Variants in MGAT4C observed in about 807,000 individuals in gnomAD.
MGAT4C encodes the protein MGAT4 family member C, also known as alpha-1,3-mannosyl-glycoprotein 4-beta-N-acetylglucosaminyltransferase C.
Under a neutral mutation model 40.1 loss-of-function variants are expected in MGAT4C, and 19 were observed. That is an observed-to-expected ratio of 0.47 (90% confidence interval 0.33 to 0.70). MGAT4C has a LOEUF of 0.70. Ranked by LOEUF, MGAT4C falls within the 30% of genes least tolerant of loss-of-function variation. MGAT4C has a pLI of 0.02. For missense variants in MGAT4C, 491 were observed against 563.2 expected, an observed-to-expected ratio of 0.87 and a Z score of 1.30; for synonymous variants, 181 against 187.1, an observed-to-expected ratio of 0.97 and a Z score of 0.27.
At chr12:86,771,633 A>G (rs936326301) in intron 1 of MGAT4C, among the ~76,000 whole-genome samples, 4 of 151,892 alleles carry the variant, frequency 2.6e-5, no homozygotes, top group African/African-American at 9.7e-5. Flanking sequence ...GATTACTTGA[A>G]GCCAGGAGTT....
chr12:85,971,966 T>C lies in MGAT4C; in HGVS notation c.*7323A>G, dbSNP rs1883640587. 1 of 151,222 alleles carries C rather than the reference T, an allele frequency of 6.6e-6. No homozygotes were observed. The highest frequency in any genetic ancestry group is 1.5e-5 in the Non-Finnish European group (1 of 67,330). 9.4% of individuals were successfully genotyped at this position (151,222 alleles called of 1,614,324 possible). ...GAATGTGTCTTTTCTACTTTGACTATATTTACCATTGACTACAGTAACTCA... is the reference window on the plus strand; with the variant it reads ...GAATGTGTCTTTTCTACTTTGACTACATTTACCATTGACTACAGTAACTCA... On this transcript the variant is annotated 3_prime_UTR_variant, in exon 5 of 5. Transcript: ENST00000611864.
intron 1 of MGAT4C, among the ~76,000 whole-genome samples, chr12:86,243,785 C>T (rs1177040490): frequency 6.6e-6 from 1 of 152,194 alleles, no homozygotes; most frequent in Admixed American, 6.5e-5. Context: ...ACCTCTATTG[C>T]AGCCTCCAGA....
intron 2 of MGAT4C, among the ~76,000 whole-genome samples, chr12:86,606,305 TA>T (rs908455497): frequency 2.6e-5 from 4 of 152,192 alleles, no homozygotes; most frequent in Non-Finnish European, 5.9e-5. Flanking sequence ...TAAGGTTATG[TA>T]ACCTATTTCA....
At chr12:86,281,456 ATATG>A (rs1198459847) in intron 4 of MGAT4C, among the ~76,000 whole-genome samples, 1 of 151,686 alleles carries the variant, frequency 6.6e-6, no homozygotes, top group African/African-American at 2.4e-5. Context: ...GTATCTCTGT[ATATG>A]TATCTTCAAA....
intron 1 of MGAT4C, among the ~76,000 whole-genome samples, chr12:86,208,389 C>T (rs1187298532): frequency 6.6e-6 from 1 of 152,174 alleles, no homozygotes; most frequent in East Asian, 1.9e-4. Flanking sequence ...ATCGCTTGAA[C>T]CCACATGATG....
chr12:86,539,037 T>C (rs1043443436), intron 2 of MGAT4C, among the ~76,000 whole-genome samples: 2 of 152,194 alleles, frequency 1.3e-5, no homozygotes, highest in East Asian at 1.9e-4. Context: ...TTTTAATTAT[T>C]ATTATACTTT....
chr12:86,087,782 C>T (rs1872145179), intron 1 of MGAT4C, among the ~76,000 whole-genome samples: 1 of 151,780 alleles, frequency 6.6e-6, no homozygotes, highest in South Asian at 2.1e-4. Context: ...TGCTTGTGGA[C>T]AGGAAGAATC....
intron 2 of MGAT4C, among the ~76,000 whole-genome samples, chr12:86,552,045 A>G (rs1959392853): frequency 6.7e-6 from 1 of 150,126 alleles, no homozygotes; most frequent in Non-Finnish European, 1.5e-5. Context: ...AAAAAAAACC[A>G]AAAAACAGAC....
rs1883561622 is a variant in MGAT4C, at chr12:85,970,372, G to A, written c.*8917C>T. 1 of 151,214 alleles carries A rather than the reference G, an allele frequency of 6.6e-6. No homozygotes were observed. The highest frequency in any genetic ancestry group is 1.9e-4 in the East Asian group (1 of 5,176). 9.4% of individuals were successfully genotyped at this position (151,214 alleles called of 1,614,324 possible). A position where few individuals can be genotyped will look rare whatever the true frequency, so the allele number is the denominator to read the frequency against. ...ATCTGGTAAAAATGGACAAAATTTA[G>A]TTTTATCTTGTGGTCTGGAAATACA... is the stretch of plus-strand genomic sequence containing the variant. On this transcript the variant is annotated 3_prime_UTR_variant, in exon 5 of 5. Transcript: ENST00000611864.
At chr12:86,488,847 T>C (rs1958074745) in intron 2 of MGAT4C, among the ~76,000 whole-genome samples, 1 of 152,058 alleles carries the variant, frequency 6.6e-6, no homozygotes, top group South Asian at 2.1e-4. Context: ...AATTTCTATT[T>C]CAACAGCAAA....
At chr12:86,601,981 C>T (rs1316245504) in intron 2 of MGAT4C, among the ~76,000 whole-genome samples, 4 of 152,174 alleles carry the variant, frequency 2.6e-5, no homozygotes, top group East Asian at 1.9e-4. Context: ...ACCGCGTTCC[C>T]GTTGTCCAGA....
chr12:86,612,426 C>A (rs1306575159), intron 2 of MGAT4C, among the ~76,000 whole-genome samples: 2 of 151,964 alleles, frequency 1.3e-5, no homozygotes, highest in Non-Finnish European at 2.9e-5. Flanking sequence ...AGGGTTTACT[C>A]ATCTTTTAAA....
At chr12:86,511,368 G>C (rs187503130) in intron 2 of MGAT4C, among the ~76,000 whole-genome samples, 2 of 152,166 alleles carry the variant, frequency 1.3e-5, no homozygotes, top group African/African-American at 4.8e-5. Context: ...ACCGTTTTCA[G>C]TGCATAAGTC....
At position 86,408,479 on chromosome 12, in the gene MGAT4C, C is replaced by CTCTCTCTATA. The variant is rs1267344319; in HGVS notation, c.-120+26677_-120+26678insTATAGAGAGA. Among the ~76,000 whole-genome samples the CTCTCTCTATA allele has an allele frequency of 1.1e-3, 68 of 63,338 alleles. 1 individual carries two copies. The highest frequency in any genetic ancestry group is 2.2e-3 in the East Asian group (4 of 1,780). The allele number at this position is 63,338 out of a possible 152,430, so 41.6% of individuals were successfully genotyped here. On this transcript the variant is annotated intron_variant, in intron 3 of 7. Transcript: ENST00000548651. Reference sequence around the variant, plus strand: ...TCTCTCTCTCTCTCTCTCTCTCTCTCTATATATATATATATATATATATAT... The same window carrying CTCTCTCTATA: ...TCTCTCTCTCTCTCTCTCTCTCTCTCTCTCTCTATATATATATATATATATATATATATAT...
intron 2 of MGAT4C, among the ~76,000 whole-genome samples, chr12:86,475,851 T>C (rs535033760): frequency 2.0e-5 from 3 of 152,212 alleles, no homozygotes; most frequent in South Asian, 2.1e-4. Flanking sequence ...TTAATTATCA[T>C]CATTATAATT....
intron 2 of MGAT4C, among the ~76,000 whole-genome samples, chr12:86,639,930 C>G (rs537833405): frequency 8.8e-4 from 133 of 151,742 alleles, no homozygotes; most frequent in East Asian, 7.8e-4. Context: ...CAGCTAGTAA[C>G]AGGCCCAATC....
chr12:86,109,852 A>G (rs1876910358), intron 1 of MGAT4C, among the ~76,000 whole-genome samples: 1 of 152,024 alleles, frequency 6.6e-6, no homozygotes, highest in African/African-American at 2.4e-5. Context: ...ATCCATTACA[A>G]GAGAACTGAG....
intron 2 of MGAT4C, among the ~76,000 whole-genome samples, chr12:86,481,898 A>C (rs1374485665): frequency 6.6e-6 from 1 of 151,992 alleles, no homozygotes; most frequent in Non-Finnish European, 1.5e-5. Context: ...AATTATAGGC[A>C]TGAGCCACCA....
intron 2 of MGAT4C, among the ~76,000 whole-genome samples, chr12:86,676,925 T>TG (rs1964414224): frequency 6.6e-6 from 1 of 152,202 alleles, no homozygotes; most frequent in Non-Finnish European, 1.5e-5. Context: ...AAAAGGTAGA[T>TG]GGAAAAACAG....
Sources: allele counts gnomAD v4.1 joint callset (sites outside exome capture counted in the v4.1 genomes callset), GRCh38; gene constraint gnomAD v4.1.1; transcripts MANE v1.5; gene names NCBI Gene and HGNC (gene_info 2026-07-23, HGNC 2026-07-21).